SAMTOR: variants seen among roughly 807,000 people sequenced by gnomAD.
The protein encoded by SAMTOR is S-adenosylmethionine sensor upstream of mTORC1.
chr7:112,862,439 T>G, the SAMTOR span, among the ~76,000 whole-genome samples: 1 of 152,224 alleles, frequency 6.6e-6, no homozygotes. Context: ...CTATGGTCCC[T>G]TCTCACAGAG....
chr7:112,938,276 A>T, the SAMTOR span, among the ~76,000 whole-genome samples: 12 of 152,210 alleles, frequency 7.9e-5, no homozygotes, highest in Non-Finnish European at 1.6e-4. Context: ...AGTAGGTCTG[A>T]TAAGACTCTT....
the SAMTOR span, among the ~76,000 whole-genome samples, chr7:112,852,550 T>A: frequency 6.6e-6 from 1 of 152,102 alleles, no homozygotes; most frequent in East Asian, 1.9e-4. Flanking sequence ...CTACGCAATG[T>A]ATCCATGTAA....
the SAMTOR span, among the ~76,000 whole-genome samples, chr7:112,856,601 T>C: frequency 6.6e-6 from 1 of 152,226 alleles, no homozygotes; most frequent in Non-Finnish European, 1.5e-5. Context: ...TTTTTTGCTA[T>C]AGTTTTGAAG....
chr7:112,825,112 T>C, the SAMTOR span, among the ~76,000 whole-genome samples: 352 of 152,212 alleles, frequency 2.3e-3, 1 homozygote, highest in African/African-American at 8.3e-3. Flanking sequence ...ACCTCCACCC[T>C]CTGGGCTCAA....
At chr7:112,923,067 C>T in the SAMTOR span, among the ~76,000 whole-genome samples, 6 of 152,286 alleles carry the variant, frequency 3.9e-5, no homozygotes, top group South Asian at 2.1e-4. Flanking sequence ...ATTGAGAAAT[C>T]GGATGGTTGC....
the SAMTOR span, among the ~76,000 whole-genome samples, chr7:112,849,222 AAC>A: frequency 6.6e-6 from 1 of 152,180 alleles, no homozygotes; most frequent in Non-Finnish European, 1.5e-5. Context: ...ACCACAAATA[AAC>A]ACACATATGT....
chr7:112,919,712 AAAG>A, the SAMTOR span, among the ~76,000 whole-genome samples: 1 of 151,474 alleles, frequency 6.6e-6, no homozygotes, highest in Admixed American at 6.6e-5. Flanking sequence ...CAAGACTAAT[AAAG>A]AAGAAAAGAG....
chr7:112,878,780 A>T, the SAMTOR span, among the ~76,000 whole-genome samples: 1 of 152,190 alleles, frequency 6.6e-6, no homozygotes, highest in Admixed American at 6.5e-5. Flanking sequence ...TTTATCTCAA[A>T]GGCAAAGTGA....
chr7:112,887,989 C>T, the SAMTOR span, among the ~76,000 whole-genome samples: 1 of 151,936 alleles, frequency 6.6e-6, no homozygotes. Context: ...ATTTAATTTG[C>T]TCTTACTTTT....
chr7:112,901,319 T>C, the SAMTOR span, among the ~76,000 whole-genome samples: 16 of 152,160 alleles, frequency 1.1e-4, no homozygotes, highest in African/African-American at 3.4e-4. Context: ...TAGATTCTCA[T>C]AGAAGCACGA....
chr7:112,822,694 T>A, the SAMTOR span, among the ~76,000 whole-genome samples: 1 of 152,142 alleles, frequency 6.6e-6, no homozygotes, highest in African/African-American at 2.4e-5. Flanking sequence ...AGGAATGACA[T>A]TTCTATTTAC....
chr7:112,850,832 TTTTG>T, the SAMTOR span, among the ~76,000 whole-genome samples: 5 of 152,200 alleles, frequency 3.3e-5, no homozygotes, highest in East Asian at 1.9e-4. Context: ...AGTCTATCAA[TTTTG>T]TTTATCTTTT....
chr7:112,906,221 A>G, the SAMTOR span, among the ~76,000 whole-genome samples: 1 of 152,232 alleles, frequency 6.6e-6, no homozygotes, highest in African/African-American at 2.4e-5. Context: ...CTACACATCT[A>G]CAGCATGTTA....
At chr7:112,860,953 T>C in the SAMTOR span, among the ~76,000 whole-genome samples, 1 of 149,702 alleles carries the variant, frequency 6.7e-6, no homozygotes, top group Non-Finnish European at 1.5e-5. Flanking sequence ...GATTTGATAC[T>C]TCTCTTCCTA....
At chr7:112,915,237 AG>A in the SAMTOR span, 20 of 1,412,454 alleles carry the variant, frequency 1.4e-5, no homozygotes, top group East Asian at 2.5e-5. Context: ...ACTCCGTCTC[AG>A]GAAAAAAAAA....
chr7:112,930,656 T>C, the SAMTOR span, among the ~76,000 whole-genome samples: 1 of 152,188 alleles, frequency 6.6e-6, no homozygotes, highest in Non-Finnish European at 1.5e-5. Context: ...TGAAGCAGTA[T>C]AGCTACAGAT....
chr7:112,871,644 G>GA, the SAMTOR span, among the ~76,000 whole-genome samples: 1 of 151,916 alleles, frequency 6.6e-6, no homozygotes, highest in Admixed American at 6.6e-5. Context: ...GCTAGCAGAA[G>GA]AAAAAAGTAA....
chr7:112,924,166 A>G, the SAMTOR span, among the ~76,000 whole-genome samples: 2 of 152,120 alleles, frequency 1.3e-5, no homozygotes, highest in Non-Finnish European at 2.9e-5. Context: ...CACATTGTGC[A>G]TATGTACCCT....
chr7:112,927,855 C>T, the SAMTOR span, among the ~76,000 whole-genome samples: 1 of 151,900 alleles, frequency 6.6e-6, no homozygotes, highest in Non-Finnish European at 1.5e-5. Context: ...AAAACAAATT[C>T]GTAATTTTAA....
Sources: allele counts gnomAD v4.1 joint callset (sites outside exome capture counted in the v4.1 genomes callset), GRCh38; gene constraint gnomAD v4.1.1; transcripts MANE v1.5; gene names NCBI Gene and HGNC (gene_info 2026-07-23, HGNC 2026-07-21).